Variants in TCOF1 observed in about 807,000 individuals in gnomAD.
TCOF1 encodes the protein treacle ribosome biogenesis factor 1, also known as treacle protein.
In TCOF1, 33 loss-of-function variants were observed where a neutral mutation model predicts 149.0. The ratio of observed to expected loss-of-function variants is 0.22; its 90% CI spans 0.17 to 0.30. TCOF1 has a LOEUF of 0.30. TCOF1 is among the 10% of genes least tolerant of loss of function. TCOF1 has a pLI of 1.00. For synonymous variants in TCOF1, 789 were observed against 738.8 expected (o/e 1.07, Z -1.10); for missense variants, 1,728 against 1,840.7 (o/e 0.94, Z 1.12).
chr5:150,393,649 G>A (rs1020404282), intron 23 of TCOF1, 97 bp downstream of exon 23: 9 of 1,507,394 alleles, frequency 6.0e-6, no homozygotes, highest in Middle Eastern at 2.0e-4. Context: ...TCCCAACATG[G>A]TCCTGTCTGC....
intron 23 of TCOF1, chr5:150,393,803 C>T: frequency 1.9e-6 from 1 of 524,394 alleles, no homozygotes; most frequent in South Asian, 2.0e-5. Flanking sequence ...TGCTCAAGCC[C>T]AGGAGTTCAA....
Position 150,393,972 on chromosome 5 carries a change from C to G in TCOF1, c.3784+420C>G, listed in dbSNP as rs1387642910. ...GCTATAGTGAGCCATGATCATGCCA[C>G]TACACTCCAGCCAGGGTGGTACAGT... On this transcript the variant is annotated intron_variant, in intron 23 of 26. Coordinates refer to ENST00000643257, the MANE Select transcript of TCOF1 (RefSeq NM_001371623.1). 5 of 279,576 alleles carry G rather than the reference C, an allele frequency of 1.8e-5. No individual in the cohort carries two copies. In the Admixed American group the frequency reaches 2.4e-4, roughly 14 times the overall value. The allele number at this position is 279,576 out of a possible 1,614,324, so 17.3% of individuals were successfully genotyped here.
At position 150,367,884 on chromosome 5, in the gene TCOF1, G is replaced by A. The variant is rs573322428; in HGVS notation, c.345G>A (p.Ala115=). 18 of 1,614,158 alleles carry A rather than the reference G, an allele frequency of 1.1e-5. No homozygotes were observed. The Middle Eastern group carries it at 4.9e-4, about 44-fold the overall frequency. ...LASTNSSVLG[A]DLPSSMKEKA... is the part of the protein sequence containing the mutation. ...CTACCAACTCCTCAGTCCTGGGGGC[G>A]GACTTGCCATCAAGCATGAAAGAAA... is the stretch of plus-strand genomic sequence containing the variant. Residue 115 remains alanine (A), a synonymous_variant, in exon 4 of 27, where the codon GCG becomes GCA. Transcript: ENST00000643257.
At chr5:150,376,725 C>A (rs1763896930) in intron 14 of TCOF1, 105 bp downstream of exon 14, 16 of 1,204,786 alleles carry the variant, frequency 1.3e-5, no homozygotes, top group Non-Finnish European at 1.9e-5. Flanking sequence ...TGTGCAGAAG[C>A]CTCAGAGGTA....
chr5:150,375,906 T>C lies in TCOF1; in HGVS notation c.1890T>C (p.Ala630=). 6.2e-7 allele frequency: 1 copy of C among 1,614,208 alleles called. No homozygotes were observed. The highest frequency in any genetic ancestry group is 1.7e-5 in the Admixed American group (1 of 60,034). ...AGGCACCAGCAGCCATGACTGCAGCTCAGGTGAGGCCTGGGGAAGGAGGCT... is the reference window on the plus strand; with the variant it reads ...AGGCACCAGCAGCCATGACTGCAGCCCAGGTGAGGCCTGGGGAAGGAGGCT... ...SEEAPAAMTA[A]QAKPALKIPQ... is the part of the protein sequence containing the mutation. The change falls in exon 12 of 27, where the codon GCT becomes GCC. Residue 630 remains alanine (A), a synonymous_variant. Coordinates refer to ENST00000643257, the MANE Select transcript of TCOF1 (RefSeq NM_001371623.1).
chr5:150,389,557 G>A (rs1165630506), intron 18 of TCOF1, among the ~76,000 whole-genome samples: 4 of 152,246 alleles, frequency 2.6e-5, no homozygotes, highest in Non-Finnish European at 5.9e-5. Context: ...TCTTAGGAGA[G>A]ACGATTTTAA....
chr5:150,393,911 C>A, intron 23 of TCOF1: 1 of 329,492 alleles, frequency 3.0e-6, no homozygotes, highest in Non-Finnish European at 5.9e-6. Flanking sequence ...CTTGAGAGGC[C>A]AAGGCAGAAG....
chr5:150,366,368 G>A (rs1010580200), intron 3 of TCOF1, among the ~76,000 whole-genome samples: 3 of 151,934 alleles, frequency 2.0e-5, no homozygotes, highest in Non-Finnish European at 4.4e-5. Context: ...ATTTAAAAAC[G>A]CATCCTCATT....
chr5:150,388,381 A>G (rs1766716787), intron 18 of TCOF1, among the ~76,000 whole-genome samples: 1 of 152,198 alleles, frequency 6.6e-6, no homozygotes, highest in African/African-American at 2.4e-5. Flanking sequence ...AGAATTCTGT[A>G]TCAGTTGACT....
intron 23 of TCOF1, 149 bp from the exon 24 acceptor site, chr5:150,396,133 G>T (rs529861391): frequency 4.6e-6 from 4 of 860,462 alleles, no homozygotes; most frequent in South Asian, 4.4e-5. Flanking sequence ...AGACCAGCTG[G>T]GGCAGAGTGA....
Position 150,376,298 on chromosome 5 carries a change from G to C in TCOF1, c.2110G>C (p.Glu704Gln). 5.0e-6 allele frequency: 8 copies of C among 1,614,222 alleles called. No homozygotes were observed. The highest frequency in any genetic ancestry group is 6.8e-6 in the Non-Finnish European group (8 of 1,180,044). Residue 704 changes from glutamate to glutamine, a missense_variant, in exon 13 of 27, where the codon GAG becomes CAG. Around this residue, in one of 2 missense-constraint regions of TCOF1, gnomAD observed 1,696 missense variants for 1,765.4 expected, o/e 0.96. Transcript: ENST00000643257. ...CAGTGAGGAATCAGATAGTGAGGAA[G>C]AGAAGACAGGTCTTGCAGTAACCGT... is the stretch of plus-strand genomic sequence containing the variant. ...SSSEESDSEE[E>Q]KTGLAVTVGQ...
Position 150,399,068 on chromosome 5 carries a change from C to T in TCOF1, c.*20C>T, listed in dbSNP as rs1461174299. Reference sequence around the variant, plus strand: ...GTATGACGAGCACCAGCACCAGGCACAGGTACGCTTCCCAATCATTCCTGA... The same window carrying T: ...GTATGACGAGCACCAGCACCAGGCATAGGTACGCTTCCCAATCATTCCTGA... On this transcript the variant is annotated splice_region_variant and 3_prime_UTR_variant, in exon 26 of 27. Coordinates refer to ENST00000643257, the MANE Select transcript of TCOF1 (RefSeq NM_001371623.1). 6.2e-7 allele frequency: 1 copy of T among 1,614,252 alleles called. No individual in the cohort carries two copies. The highest frequency in any genetic ancestry group is 1.1e-5 in the South Asian group (1 of 91,084).
intron 24 of TCOF1, among the ~76,000 whole-genome samples, chr5:150,397,560 T>G (rs1768844907): frequency 6.6e-6 from 1 of 152,142 alleles, no homozygotes; most frequent in Admixed American, 6.5e-5. Flanking sequence ...AGAGATGCTG[T>G]TCAGGGCCAC....
intron 23 of TCOF1, among the ~76,000 whole-genome samples, chr5:150,395,848 C>T (rs145702646): frequency 1.3e-5 from 2 of 152,246 alleles, no homozygotes; most frequent in East Asian, 1.9e-4. Context: ...GAAACCAAGG[C>T]CCTGGGAGGA....
At chr5:150,374,416 G>T in intron 8 of TCOF1, 30 bp downstream of exon 8, 2 of 1,551,218 alleles carry the variant, frequency 1.3e-6, no homozygotes, top group Non-Finnish European at 1.7e-6. Context: ...ACTCCATGCA[G>T]CCAGGCCCGT....
chr5:150,360,623 G>C lies in TCOF1; in HGVS notation c.109-533G>C, dbSNP rs575650882. On this transcript the variant is annotated intron_variant, in intron 1 of 26. Coordinates refer to ENST00000643257, the MANE Select transcript of TCOF1 (RefSeq NM_001371623.1). Reference sequence around the variant, plus strand: ...ATTCCACCTCTGGCCTTTCAAAGGGGTTGTCTAAAAAGGTTTTAGTTGGGA... The same window carrying C: ...ATTCCACCTCTGGCCTTTCAAAGGGCTTGTCTAAAAAGGTTTTAGTTGGGA... Among the ~76,000 whole-genome samples the C allele has an allele frequency of 1.1e-4, 17 of 152,262 alleles. No homozygotes were observed. In the South Asian group the frequency reaches 3.5e-3, roughly 32 times the overall value.
At chr5:150,370,448 C>T (rs1030002646) in intron 6 of TCOF1, among the ~76,000 whole-genome samples, 11 of 152,188 alleles carry the variant, frequency 7.2e-5, no homozygotes, top group Non-Finnish European at 4.4e-5. Context: ...TTCCACCTCC[C>T]GGGTTCAAGC....
intron 14 of TCOF1, among the ~76,000 whole-genome samples, chr5:150,377,617 G>A (rs1019544398): frequency 4.6e-5 from 7 of 151,448 alleles, no homozygotes; most frequent in Non-Finnish European, 8.8e-5. Flanking sequence ...TCCTCCTCTC[G>A]TTGACTTGTG....
At chr5:150,376,055 T>C in intron 12 of TCOF1, 27 bp from the exon 13 acceptor site, 1 of 1,613,642 alleles carries the variant, frequency 6.2e-7, no homozygotes, top group Non-Finnish European at 8.5e-7. Flanking sequence ...AGGAACCTTC[T>C]CCAGCCTTTC....
Sources: gnomAD v4.1 joint callset for allele counts (sites outside exome capture counted in the v4.1 genomes callset) on GRCh38, gnomAD v4.1.1 for gene constraint, gnomAD v4.1.1 regional missense constraint, MANE v1.5 for transcripts, NCBI Gene and HGNC (gene_info 2026-07-23, HGNC 2026-07-21) for gene names.